The following CADPS variants were observed in gnomAD, a reference collection of about 807,000 sequenced individuals.
The protein encoded by CADPS is calcium-dependent secretion activator 1.
In CADPS, 57 loss-of-function variants were observed where a neutral mutation model predicts 167.3. The ratio of observed to expected loss-of-function variants is 0.34; its 90% CI spans 0.28 to 0.42. The LOEUF is 0.42. CADPS is among the 20% of genes least tolerant of loss of function. The pLI is 1.00. For missense variants in CADPS, 1,414 were observed against 1,738.1 expected (o/e 0.81, Z 3.32); for synonymous variants, 676 against 635.3 (o/e 1.06, Z -0.96).
intron 27 of CADPS, among the ~76,000 whole-genome samples, chr3:62,441,418 C>T (rs1266139071): frequency 2.0e-5 from 3 of 152,204 alleles, no homozygotes; most frequent in Non-Finnish European, 4.4e-5. Context: ...AAAATGAGCT[C>T]AAACTTCCAG....
intron 6 of CADPS, among the ~76,000 whole-genome samples, chr3:62,612,843 C>A (rs2061687162): frequency 6.6e-6 from 1 of 152,210 alleles, no homozygotes; most frequent in South Asian, 2.1e-4. Context: ...CATTCACCCA[C>A]CTCTCCAATC....
At chr3:62,743,407 C>G (rs916509026) in intron 3 of CADPS, among the ~76,000 whole-genome samples, 1 of 152,112 alleles carries the variant, frequency 6.6e-6, no homozygotes, top group Non-Finnish European at 1.5e-5. Context: ...ACAAAGACCA[C>G]AGGGTTCACA....
intron 13 of CADPS, among the ~76,000 whole-genome samples, chr3:62,527,641 G>C (rs1324163966): frequency 6.6e-6 from 1 of 152,178 alleles, no homozygotes; most frequent in Non-Finnish European, 1.5e-5. Context: ...TGGTGCACAA[G>C]TTTCCAGAGC....
Position 62,875,190 on chromosome 3 carries a change from T to A in CADPS, c.-161A>T. 1.0e-6 allele frequency: 1 copy of A among 989,342 alleles called. No homozygotes were observed. 61.3% of individuals were successfully genotyped at this position (989,342 alleles called of 1,614,324 possible). On this transcript the variant is annotated 5_prime_UTR_variant, in exon 1 of 30. Transcript: ENST00000383710. Reference sequence around the variant, plus strand: ...CAGCCTCGGCCGCCGCGACTGATCCTCTGCCCGGCGGTCGCGAGCTGGGCT... The same window carrying A: ...CAGCCTCGGCCGCCGCGACTGATCCACTGCCCGGCGGTCGCGAGCTGGGCT...
intron 3 of CADPS, among the ~76,000 whole-genome samples, chr3:62,711,136 TA>T (rs1384905473): frequency 2.0e-5 from 3 of 152,224 alleles, no homozygotes; most frequent in Non-Finnish European, 4.4e-5. Context: ...TTAAAATGCA[TA>T]AAATATATGA....
At chr3:62,493,751 A>G (rs1189717186) in intron 18 of CADPS, 86 bp from the exon 19 acceptor site, 2 of 1,122,788 alleles carry the variant, frequency 1.8e-6, no homozygotes, top group African/African-American at 3.1e-5. Flanking sequence ...TGCTGTTTCC[A>G]TTTTAATTTA....
chr3:62,655,075 A>G (rs1333840851), intron 4 of CADPS, among the ~76,000 whole-genome samples: 1 of 152,156 alleles, frequency 6.6e-6, no homozygotes, highest in Non-Finnish European at 1.5e-5. Flanking sequence ...AATCCAAAGA[A>G]TGATCACTCC....
intron 18 of CADPS, among the ~76,000 whole-genome samples, chr3:62,496,736 G>C (rs2064865653): frequency 6.6e-6 from 1 of 152,182 alleles, no homozygotes; most frequent in Non-Finnish European, 1.5e-5. Context: ...CTGGCACAGA[G>C]CCTAAACTCC....
intron 6 of CADPS, among the ~76,000 whole-genome samples, chr3:62,605,690 T>C (rs2060602375): frequency 6.6e-6 from 1 of 152,232 alleles, no homozygotes. Flanking sequence ...ATTTTCTTAC[T>C]TGTAAAATGG....
At chr3:62,699,631 C>T (rs71296788) in intron 3 of CADPS, among the ~76,000 whole-genome samples, 12,090 of 152,064 alleles carry the variant, frequency 0.08, 635 homozygotes, top group Non-Finnish European at 0.12. Flanking sequence ...TGCAGTGGTG[C>T]CATCTTGGCT....
intron 1 of CADPS, among the ~76,000 whole-genome samples, chr3:62,854,429 C>T (rs1291872178): frequency 7.7e-6 from 1 of 130,336 alleles, no homozygotes; most frequent in Non-Finnish European, 1.5e-5. Flanking sequence ...AGCTTCAAAT[C>T]ACTTCTCTGA....
chr3:62,525,792 A>G (rs907169082), intron 13 of CADPS, among the ~76,000 whole-genome samples: 1 of 151,980 alleles, frequency 6.6e-6, no homozygotes, highest in African/African-American at 2.4e-5. Flanking sequence ...TGTGTTACTC[A>G]TTTACTACTA....
chr3:62,819,414 G>A (rs984312435), intron 1 of CADPS, among the ~76,000 whole-genome samples: 2 of 121,766 alleles, frequency 1.6e-5, no homozygotes, highest in African/African-American at 6.4e-5. Context: ...GTGCGTGTGT[G>A]TGTGTGTGTG....
chr3:62,580,152 C>T (rs937956865), intron 8 of CADPS, among the ~76,000 whole-genome samples: 4 of 152,110 alleles, frequency 2.6e-5, no homozygotes, highest in African/African-American at 4.8e-5. Flanking sequence ...TTTACTGTGG[C>T]ACTATTCACA....
At chr3:62,467,385 A>C (rs187628694) in intron 24 of CADPS, 2 of 780,824 alleles carry the variant, frequency 2.6e-6, no homozygotes, top group East Asian at 1.5e-4. Context: ...ACAAAAGGAC[A>C]CATGAGAAAA....
intron 1 of CADPS, among the ~76,000 whole-genome samples, chr3:62,872,247 G>A (rs917064026): frequency 8.5e-5 from 13 of 152,102 alleles, no homozygotes; most frequent in Non-Finnish European, 1.8e-4. Context: ...CTTTACCACA[G>A]TGATTATGCA....
chr3:62,454,069 A>G (rs573845832), intron 26 of CADPS, among the ~76,000 whole-genome samples: 1 of 152,320 alleles, frequency 6.6e-6, no homozygotes, highest in South Asian at 2.1e-4. Flanking sequence ...CTGGCTTTCA[A>G]AATTTGATTC....
Position 62,874,444 on chromosome 3 carries a change from G to A in CADPS, c.441+145C>T, listed in dbSNP as rs2083275152. The A allele has an allele frequency of 9.4e-6, 6 of 635,268 alleles. No homozygotes were observed. Among genetic ancestry groups the A allele is most frequent in the Admixed American group, 3.0e-5 (1 of 33,440 alleles). 39.4% of individuals were successfully genotyped at this position (635,268 alleles called of 1,614,324 possible). On this transcript the variant is annotated intron_variant, in intron 1 of 29. Transcript: ENST00000383710. The surrounding 1 kb of genome is among the most constrained non-coding windows in gnomAD (Gnocchi z 7.1). ...GGGCCTGGGCGAGCCCGGCCGCTGG[G>A]AGGGGGCCTCGTAGCCCTTTCCCCA...
chr3:62,829,628 T>C (rs1577005167), intron 1 of CADPS, among the ~76,000 whole-genome samples: 1 of 152,102 alleles, frequency 6.6e-6, no homozygotes, highest in African/African-American at 2.4e-5. Context: ...AGTATCAAAG[T>C]GCAGCATTCA....
Sources: allele counts gnomAD v4.1 joint callset (sites outside exome capture counted in the v4.1 genomes callset), GRCh38; gene constraint gnomAD v4.1.1; non-coding constraint Gnocchi (gnomAD v3.1); transcripts MANE v1.5; gene names NCBI Gene and HGNC (gene_info 2026-07-23, HGNC 2026-07-21).